Variants in ADGRL1 observed in about 807,000 individuals in gnomAD.
ADGRL1 encodes the protein adhesion G protein-coupled receptor L1, also known as CIRL-1.
Under a neutral mutation model 148.9 loss-of-function variants are expected in ADGRL1, and 31 were observed. The observed-to-expected ratio is 0.21, with a 90% CI of 0.16 to 0.28. The LOEUF (loss-of-function observed/expected upper bound fraction) is 0.28, where lower values mean the gene tolerates loss of function less well. ADGRL1 is among the 10% of genes least tolerant of loss of function. The pLI, the probability that ADGRL1 is intolerant of heterozygous loss-of-function variation, is 1.00. For missense variants in ADGRL1, 1,521 were observed against 2,058.8 expected (o/e 0.74, Z 5.05); for synonymous variants, 937 against 900.3 (o/e 1.04, Z -0.73).
intron 1 of ADGRL1, among the ~76,000 whole-genome samples, chr19:14,202,092 G>A (rs74183068): frequency 0.17 from 25,576 of 151,908 alleles, 2,467 homozygotes; most frequent in Non-Finnish European, 0.22. Context: ...GACGAGCAAC[G>A]AGGAGGGAGG....
intron 1 of ADGRL1, among the ~76,000 whole-genome samples, chr19:14,201,677 A>G (rs940321798): frequency 6.6e-6 from 1 of 152,146 alleles, no homozygotes; most frequent in African/African-American, 2.4e-5. Flanking sequence ...CGGCTTCCCA[A>G]CATTCTGGGT....
At chr19:14,188,592 C>T (rs1235439653) in intron 1 of ADGRL1, among the ~76,000 whole-genome samples, 1 of 152,170 alleles carries the variant, frequency 6.6e-6, no homozygotes, top group Non-Finnish European at 1.5e-5. Context: ...CTCTCTCACC[C>T]CTAAATCCAG....
At chr19:14,196,381 G>A (rs889039761) in intron 1 of ADGRL1, among the ~76,000 whole-genome samples, 7 of 152,238 alleles carry the variant, frequency 4.6e-5, no homozygotes, top group African/African-American at 1.7e-4. Context: ...CACTTCAGGA[G>A]GCTGAAGAGG....
intron 4 of ADGRL1, among the ~76,000 whole-genome samples, chr19:14,166,496 C>T (rs943738136): frequency 2.0e-5 from 3 of 151,994 alleles, no homozygotes; most frequent in Non-Finnish European, 4.4e-5. Flanking sequence ...CCCTCCAGCC[C>T]GCCTCCCATG....
rs1391308282 is a variant in ADGRL1, at chr19:14,160,321, G to C, written c.1615-24C>G. The C allele has an allele frequency of 6.3e-7, 1 of 1,574,922 alleles. No homozygotes were observed. The highest frequency in any genetic ancestry group is 2.3e-5 in the East Asian group (1 of 43,984). ...ATCTGCATGAGGTGGGGGCGGGAAG[G>C]GGGAATCCCAGGACTGTCAGGGACC... is the stretch of plus-strand genomic sequence containing the variant. On this transcript the variant is annotated intron_variant, in intron 7 of 22. Transcript: ENST00000361434. This position sits in a 1 kb window ranked among gnomAD's most constrained non-coding sequence, Gnocchi z 5.9.
rs760196987 is a variant in ADGRL1 at position 14,156,666 on chromosome 19, C to T, written c.3025G>A (p.Val1009Ile). 5 of 1,611,236 alleles carry T rather than the reference C, an allele frequency of 3.1e-6. No individual in the cohort carries two copies. Among genetic ancestry groups the T allele is most frequent in the Admixed American group, 3.3e-5 (2 of 59,856 alleles). The change falls in exon 16 of 23, where the codon GTT becomes ATT. Residue 1009 changes from valine (V) to isoleucine (I), a missense_variant. By Grantham distance (29) the Val-to-Ile change is conservative. Coordinates refer to ENST00000361434, the MANE Select transcript of ADGRL1 (RefSeq NM_014921.5). ...IWSFIGPVSF[V>I]IVVNLVFLMV... ...GTCACCTCCCAACTCACCACGATAA[C>T]GAAGGAGACTGGCCCGATGAAACTC...
chr19:14,156,342 G>A, intron 16 of ADGRL1, 141 bp from the exon 17 acceptor site: 1 of 695,826 alleles, frequency 1.4e-6, no homozygotes. Flanking sequence ...CCCCTGAGGT[G>A]CCCGCTGTGC....
chr19:14,154,170 A>G (rs192276017), intron 18 of ADGRL1, among the ~76,000 whole-genome samples: 1 of 152,162 alleles, frequency 6.6e-6, no homozygotes, highest in Non-Finnish European at 1.5e-5. Context: ...CTGTGAAAAC[A>G]CTGCCTTTGA....
chr19:14,204,619 C>T (rs528811660), intron 1 of ADGRL1, among the ~76,000 whole-genome samples: 1 of 151,896 alleles, frequency 6.6e-6, no homozygotes, highest in East Asian at 2.0e-4. Flanking sequence ...ATCCGACCTC[C>T]TCTAAGCAGT....
intron 4 of ADGRL1, among the ~76,000 whole-genome samples, chr19:14,166,542 AG>A (rs1226181896): frequency 6.6e-6 from 1 of 151,844 alleles, no homozygotes; most frequent in East Asian, 1.9e-4. Flanking sequence ...CAGGGGAAGG[AG>A]GAAGAGAGAG....
intron 1 of ADGRL1, among the ~76,000 whole-genome samples, chr19:14,189,020 G>C (rs1428836596): frequency 6.6e-6 from 1 of 152,064 alleles, no homozygotes; most frequent in Non-Finnish European, 1.5e-5. Flanking sequence ...CCAACGTGTT[G>C]GGATTACAGG....
rs908308360 is a variant in ADGRL1, at chr19:14,177,848, G to C, written c.71-104C>G. 2.1e-5 allele frequency: 21 copies of C among 1,012,906 alleles called. No homozygotes were observed. In the Admixed American group the frequency reaches 4.8e-4, roughly 23 times the overall value. The allele number at this position is 1,012,906 out of a possible 1,614,324, so 62.7% of individuals were successfully genotyped here. A position where few individuals can be genotyped will look rare whatever the true frequency, so the allele number is the denominator to read the frequency against. ...CCACCTCTGGCTCGGCTGTGTCCTG[G>C]AAGCCAGCTGAGGCAGCCTCAGTTG... On this transcript the variant is annotated intron_variant, in intron 2 of 22. Transcript: ENST00000361434.
chr19:14,152,837 A>C lies in ADGRL1; in HGVS notation c.3370T>G (p.Ser1124Ala). The part of the protein sequence containing the change: ...IRSPPGGTHG[S>A]LKTSAMRSNT... ...CTTCGCATGGCTGAGGTCTTGAGGG[A>C]TCCGTGAGTGCCCCCGGGTGGGGAG... Residue 1124 changes from serine to alanine, a missense_variant, in exon 19 of 23, where the codon TCC (serine) becomes GCC (alanine). Around this residue, in one of 8 missense-constraint regions of ADGRL1, gnomAD observed 185 missense variants for 251.7 expected, o/e 0.74. Coordinates refer to ENST00000361434, the MANE Select transcript of ADGRL1 (RefSeq NM_014921.5). The surrounding 1 kb of genome is among the most constrained non-coding windows in gnomAD (Gnocchi z 6.1). 1 of 1,614,056 alleles carries C rather than the reference A, an allele frequency of 6.2e-7. No homozygotes were observed. The highest frequency in any genetic ancestry group is 1.1e-5 in the South Asian group (1 of 91,074).
chr19:14,190,046 G>C (rs552489808), intron 1 of ADGRL1, among the ~76,000 whole-genome samples: 11 of 152,134 alleles, frequency 7.2e-5, no homozygotes, highest in Admixed American at 6.5e-4. Flanking sequence ...TCGTGCCTCA[G>C]CCTCCTAAGT....
Position 14,162,727 on chromosome 19 carries a change from G to C in ADGRL1, c.1074C>G (p.Pro358=). The change falls in exon 5 of 23, where the codon CCC becomes CCG. Residue 358 remains proline (P), a synonymous_variant. Transcript: ENST00000361434. The surrounding 1 kb of genome is among the most constrained non-coding windows in gnomAD (Gnocchi z 5.4). ...NREEPVSLTF[P]NPYQFISSVD... ...CGGAGGAGATGAACTGGTAGGGGTT[G>C]GGGAAGGTGAGGCTGACAGGCTCCT... 6.2e-7 allele frequency: 1 copy of C among 1,614,230 alleles called. No homozygotes were observed. The highest frequency in any genetic ancestry group is 8.5e-7 in the Non-Finnish European group (1 of 1,180,038).
intron 22 of ADGRL1, 64 bp from the exon 23 acceptor site, chr19:14,151,679 G>C: frequency 1.4e-6 from 2 of 1,460,034 alleles, no homozygotes; most frequent in Non-Finnish European, 1.8e-6. Context: ...GGGACAGTGA[G>C]GGGGTGCGGT....
chr19:14,181,034 C>T (rs1055014462), intron 2 of ADGRL1, among the ~76,000 whole-genome samples: 18 of 151,678 alleles, frequency 1.2e-4, no homozygotes, highest in African/African-American at 4.1e-4. Context: ...GGCGACAGAG[C>T]GAGACTCCAT....
Position 14,158,517 on chromosome 19 carries a change from G to C in ADGRL1, c.2185C>G (p.Leu729Val), listed in dbSNP as rs533123664. The change falls in exon 12 of 23, where the codon CTG (leucine) becomes GTG (valine). Residue 729 changes from leucine to valine, a missense_variant. Physicochemically the swap from Leu to Val is conservative, Grantham distance 32 (BLOSUM62 1). This residue lies in a region of ADGRL1 where 265 missense variants were observed against 431.9 expected (regional missense o/e 0.61). Transcript: ENST00000361434. ...VKVVFILYNN[L>V]GLFLSTENAT... The stretch of plus-strand genomic sequence containing the variant: ...TTCTCCGTGGACAGGAAGAGGCCCA[G>C]GTTGTTGTAGAGGATGAAGACAACT... 8.7e-6 allele frequency: 14 copies of C among 1,614,082 alleles called. No individual in the cohort carries two copies. The highest frequency in any genetic ancestry group is 1.6e-4 in the Middle Eastern group (1 of 6,062).
chr19:14,160,574 G>T lies in ADGRL1; in HGVS notation c.1614+19C>A. 1 of 1,562,998 alleles carries T rather than the reference G, an allele frequency of 6.4e-7. No homozygotes were observed. On this transcript the variant is annotated intron_variant, in intron 7 of 22. Coordinates refer to ENST00000361434, the MANE Select transcript of ADGRL1 (RefSeq NM_014921.5). This position sits in a 1 kb window ranked among gnomAD's most constrained non-coding sequence, Gnocchi z 5.9. The stretch of plus-strand genomic sequence containing the variant: ...GGCCCGAGCACATGTGCCTGCCTGC[G>T]AGGGGTGGTGGCTGGTACCTTCTGG...
Sources: allele counts gnomAD v4.1 joint callset (sites outside exome capture counted in the v4.1 genomes callset), GRCh38; gene constraint gnomAD v4.1.1; regional missense constraint gnomAD v4.1.1; non-coding constraint Gnocchi (gnomAD v3.1); transcripts MANE v1.5; gene names NCBI Gene and HGNC (gene_info 2026-07-23, HGNC 2026-07-21).